The following MAMLD1 variants were observed in gnomAD, a reference collection of about 807,000 sequenced individuals.
MAMLD1 encodes the protein mastermind like domain containing 1, also known as mastermind-like domain-containing protein 1.
MAMLD1 carries 14 observed loss-of-function variants against 45.0 expected under a neutral mutation model. The observed-to-expected ratio is 0.31, with a 90% CI of 0.21 to 0.49. The LOEUF is 0.49. Ranked by LOEUF, MAMLD1 falls within the 20% of genes least tolerant of loss-of-function variation. MAMLD1 has a pLI of 0.99. For synonymous variants in MAMLD1, 254 were observed against 247.8 expected (o/e 1.02, Z -0.24); for missense variants, 543 against 603.6 (o/e 0.90, Z 1.05).
intron 5 of MAMLD1, among the ~76,000 whole-genome samples, chrX:150,482,062 T>C (rs1602970951): frequency 9.0e-6 from 1 of 110,903 alleles, no homozygotes; most frequent in East Asian, 2.8e-4. Flanking sequence ...ACCAGTTATC[T>C]GTTCATAGCA....
At chrX:150,438,533 G>A (rs782020015) in intron 1 of MAMLD1, among the ~76,000 whole-genome samples, 3 of 111,651 alleles carry the variant, frequency 2.7e-5, no homozygotes, top group Non-Finnish European at 3.8e-5. Context: ...CCCTCAGTTC[G>A]TGGCAACCAC....
chrX:150,456,040 G>A (rs782135644), intron 2 of MAMLD1, among the ~76,000 whole-genome samples: 4 of 111,327 alleles, frequency 3.6e-5, no homozygotes, highest in Non-Finnish European at 7.5e-5. Context: ...AAATACAACC[G>A]TCCCTACAGG....
intron 1 of MAMLD1, among the ~76,000 whole-genome samples, chrX:150,380,664 G>A (rs782740744): frequency 9.0e-6 from 1 of 111,653 alleles, no homozygotes; most frequent in South Asian, 3.8e-4. Context: ...TTTACATTTA[G>A]ATTCCTAATC....
chrX:150,464,946 A>G (rs2124635655), intron 3 of MAMLD1, among the ~76,000 whole-genome samples: 1 of 112,497 alleles, frequency 8.9e-6, no homozygotes, highest in African/African-American at 3.2e-5. Flanking sequence ...GTGAGGCACT[A>G]GTGAAGAAAG....
intron 6 of MAMLD1, chrX:150,509,230 G>A (rs1286993156): frequency 1.8e-5 from 2 of 112,113 alleles, no homozygotes; most frequent in South Asian, 7.5e-4. Flanking sequence ...TACTCCCAGT[G>A]TTGGAGACTG....
intron 5 of MAMLD1, among the ~76,000 whole-genome samples, chrX:150,482,267 CA>C (rs2036840213): frequency 1.8e-5 from 2 of 112,610 alleles, no homozygotes; most frequent in Non-Finnish European, 3.8e-5. Flanking sequence ...CACCAAAGGA[CA>C]AATATTGTAT....
At chrX:150,458,592 G>A (rs1490677741) in intron 2 of MAMLD1, among the ~76,000 whole-genome samples, 1 of 112,078 alleles carries the variant, frequency 8.9e-6, no homozygotes, top group African/African-American at 3.2e-5. Context: ...TAGGAAAGAA[G>A]GCTCTGATTA....
chrX:150,485,018 G>A, intron 5 of MAMLD1, among the ~76,000 whole-genome samples: 1 of 111,542 alleles, frequency 9.0e-6, no homozygotes, highest in African/African-American at 3.3e-5. Context: ...CTGGAGTGAG[G>A]GCCTCTGGGT....
intron 1 of MAMLD1, among the ~76,000 whole-genome samples, chrX:150,366,776 C>T (rs1199262247): frequency 1.8e-5 from 2 of 111,199 alleles, no homozygotes; most frequent in South Asian, 3.8e-4. Context: ...TGCCTGCCTG[C>T]GATGTGCGAG....
intron 6 of MAMLD1, chrX:150,504,134 T>C: frequency 1.3e-6 from 1 of 753,222 alleles, no homozygotes; most frequent in Non-Finnish European, 1.6e-6. Flanking sequence ...GGCCTGTGAG[T>C]TGGGATCATC....
rs1462419563 is a variant in MAMLD1 at position 150,369,096 on chromosome X, A to C, written c.-64+5566A>C. On this transcript the variant is annotated intron_variant, in intron 1 of 7. Coordinates refer to ENST00000370401, the MANE Select transcript of MAMLD1 (RefSeq NM_005491.5). ...TAAAGTAGTTTTTTCCAATTCTGTG[A>C]AGAAAGTCATTGGTAGCTTGATGGG... is the stretch of plus-strand genomic sequence containing the variant. Among the ~76,000 whole-genome samples the C allele has an allele frequency of 3.6e-5, 4 of 112,139 alleles. No individual in the cohort carries two copies. In the East Asian group the frequency reaches 1.1e-3, roughly 31 times the overall value.
intron 5 of MAMLD1, among the ~76,000 whole-genome samples, chrX:150,480,709 G>A (rs782124003): frequency 1.8e-5 from 2 of 112,422 alleles, no homozygotes; most frequent in East Asian, 2.8e-4. Flanking sequence ...TCACACAGAC[G>A]AAAAGCACAG....
chrX:150,433,153 A>G (rs782323802), intron 1 of MAMLD1, among the ~76,000 whole-genome samples: 1 of 110,893 alleles, frequency 9.0e-6, no homozygotes, highest in African/African-American at 3.3e-5. Flanking sequence ...TATTCCCAGG[A>G]ATTTTTCTCT....
intron 1 of MAMLD1, among the ~76,000 whole-genome samples, chrX:150,364,429 A>G (rs999168679): frequency 3.5e-5 from 4 of 113,040 alleles, no homozygotes; most frequent in South Asian, 7.2e-4. Context: ...CCCTGAAGCC[A>G]TCGGAACCTG....
intron 2 of MAMLD1, among the ~76,000 whole-genome samples, chrX:150,454,824 A>G (rs1261274542): frequency 1.8e-5 from 2 of 110,261 alleles, no homozygotes; most frequent in African/African-American, 6.6e-5. Flanking sequence ...CACCATCACC[A>G]TGGCTACCAC....
At chrX:150,387,616 C>A (rs1370960087) in intron 1 of MAMLD1, among the ~76,000 whole-genome samples, 2 of 111,810 alleles carry the variant, frequency 1.8e-5, no homozygotes, top group Admixed American at 9.5e-5. Context: ...GTCCTGGAAC[C>A]AACCCTTCAT....
At chrX:150,508,038 C>G (rs1423538934) in intron 6 of MAMLD1, among the ~76,000 whole-genome samples, 1 of 112,659 alleles carries the variant, frequency 8.9e-6, no homozygotes, top group Non-Finnish European at 1.9e-5. Context: ...AGATACTGTA[C>G]TTCTTAGCCG....
chrX:150,381,352 A>T (rs1472877620), intron 1 of MAMLD1, among the ~76,000 whole-genome samples: 1 of 112,240 alleles, frequency 8.9e-6, no homozygotes, highest in Non-Finnish European at 1.9e-5. Flanking sequence ...CCTTATTCAG[A>T]GTTTACCAGT....
At chrX:150,473,831 A>T (rs1557406723) in intron 5 of MAMLD1, 29 bp downstream of exon 5, 3 of 1,199,448 alleles carry the variant, frequency 2.5e-6, no homozygotes, top group Non-Finnish European at 3.4e-6. Flanking sequence ...TTTTGTCTTC[A>T]ATTGGGTACA....
Sources: allele counts gnomAD v4.1 joint callset (sites outside exome capture counted in the v4.1 genomes callset), GRCh38; gene constraint gnomAD v4.1.1; transcripts MANE v1.5; gene names NCBI Gene and HGNC (gene_info 2026-07-23, HGNC 2026-07-21).